SLC8A1: variants seen among roughly 807,000 people sequenced by gnomAD.
SLC8A1 encodes solute carrier family 8 member A1.
A neutral mutation model predicts 68.3 loss-of-function variants in SLC8A1; 18 were observed. The ratio of observed to expected loss-of-function variants is 0.26; its 90% CI spans 0.18 to 0.39. The LOEUF (loss-of-function observed/expected upper bound fraction) is 0.39, where lower values mean the gene tolerates loss of function less well. SLC8A1 is among the 10% of genes least tolerant of loss of function. The pLI, the probability that SLC8A1 is intolerant of heterozygous loss-of-function variation, is 1.00. For synonymous variants in SLC8A1, 475 were observed against 415.5 expected, an observed-to-expected ratio of 1.14 and a Z score of -1.74; for missense variants, 985 against 1,156.7, an observed-to-expected ratio of 0.85 and a Z score of 2.15.
chr2:40,410,771 T>C (rs1055640297), intron 2 of SLC8A1, among the ~76,000 whole-genome samples: 3 of 152,076 alleles, frequency 2.0e-5, no homozygotes, highest in South Asian at 2.1e-4. Context: ...TGATAATACA[T>C]TGCATGTCAT....
At chr2:40,098,966 C>A (rs1442046740) in exon 8 of SLC8A1, 4 of 151,936 alleles carry the variant, frequency 2.6e-5, no homozygotes, top group African/African-American at 9.7e-5. Context: ...TTAATGATAT[C>A]AGGTATATGG....
At chr2:40,435,814 C>A (rs1025916881) in intron 1 of SLC8A1, among the ~76,000 whole-genome samples, 1 of 152,072 alleles carries the variant, frequency 6.6e-6, no homozygotes, top group Non-Finnish European at 1.5e-5. Context: ...TTGCTCCTGT[C>A]GCCCAGGCTG....
chr2:40,236,556 T>C (rs1219476267), intron 2 of SLC8A1, among the ~76,000 whole-genome samples: 1 of 150,166 alleles, frequency 6.7e-6, no homozygotes, highest in Non-Finnish European at 1.5e-5. Flanking sequence ...CTTTATCCAA[T>C]TTGCCAGTCT....
chr2:40,105,384 T>C (rs1448267582), exon 8 of SLC8A1: 1 of 152,232 alleles, frequency 6.6e-6, no homozygotes, highest in Non-Finnish European at 1.5e-5. Context: ...AAATCCAGTC[T>C]TTGGGTAAAG....
At chr2:40,301,601 G>A (rs1342475650) in intron 2 of SLC8A1, among the ~76,000 whole-genome samples, 27 of 152,164 alleles carry the variant, frequency 1.8e-4, no homozygotes, top group Admixed American at 1.7e-3. Flanking sequence ...GGGAAGGGTG[G>A]GAGGGAAGTG....
chr2:40,289,277 A>T (rs1407481105), intron 2 of SLC8A1, among the ~76,000 whole-genome samples: 3 of 152,090 alleles, frequency 2.0e-5, no homozygotes, highest in Non-Finnish European at 2.9e-5. Context: ...TTGTTAAACT[A>T]TTTGTAATAA....
chr2:40,315,079 A>C (rs1047987628), intron 2 of SLC8A1, among the ~76,000 whole-genome samples: 2 of 152,008 alleles, frequency 1.3e-5, no homozygotes, highest in African/African-American at 4.8e-5. Flanking sequence ...ATATTAGGAG[A>C]GAAGCATTCA....
Position 40,301,830 on chromosome 2 carries a change from T to C in SLC8A1, c.1809-123975A>G, listed in dbSNP as rs1196855277. Among the ~76,000 whole-genome samples, 7 of 152,284 alleles carry C rather than the reference T, an allele frequency of 4.6e-5. No homozygotes were observed. In the East Asian group the frequency reaches 1.4e-3, roughly 29 times the overall value. ...TCTTTAGTGGTGATTTGTGAGATTT[T>C]GGTGTGCCCATCACCCAAGCAGTAT... On this transcript the variant is annotated intron_variant, in intron 2 of 7. Coordinates refer to ENST00000406785, the Ensembl canonical transcript of SLC8A1.
intron 2 of SLC8A1, among the ~76,000 whole-genome samples, chr2:40,354,652 T>C (rs1021609984): frequency 6.6e-6 from 1 of 152,210 alleles, no homozygotes; most frequent in East Asian, 1.9e-4. Context: ...TTTTGGGATA[T>C]TGCCTGGATG....
At chr2:40,508,783 C>T (rs1325477828) in intron 1 of SLC8A1, among the ~76,000 whole-genome samples, 1 of 152,124 alleles carries the variant, frequency 6.6e-6, no homozygotes, top group Non-Finnish European at 1.5e-5. Flanking sequence ...GTTAACTCCT[C>T]TTCTGAAATA....
chr2:40,212,806 C>A (rs2056845139), intron 2 of SLC8A1, among the ~76,000 whole-genome samples: 1 of 152,304 alleles, frequency 6.6e-6, no homozygotes, highest in East Asian at 1.9e-4. Context: ...CTCAGAGTTC[C>A]TGTTTGTGCA....
chr2:40,287,213 T>G (rs979128441), intron 2 of SLC8A1, among the ~76,000 whole-genome samples: 2 of 152,192 alleles, frequency 1.3e-5, no homozygotes, highest in South Asian at 4.1e-4. Context: ...TATTCAGCAT[T>G]TGATGTCTAA....
At chr2:40,298,687 T>C (rs1438089875) in intron 2 of SLC8A1, among the ~76,000 whole-genome samples, 1 of 152,138 alleles carries the variant, frequency 6.6e-6, no homozygotes, top group African/African-American at 2.4e-5. Flanking sequence ...CGCTAACTTG[T>C]AAAATGGTAA....
chr2:40,339,936 G>A (rs1330644806), intron 2 of SLC8A1, among the ~76,000 whole-genome samples: 1 of 152,118 alleles, frequency 6.6e-6, no homozygotes, highest in East Asian at 1.9e-4. Flanking sequence ...GACAAAGCTA[G>A]GTCAATCAAA....
At chr2:40,240,030 C>T (rs401815) in intron 2 of SLC8A1, among the ~76,000 whole-genome samples, 21,892 of 152,100 alleles carry the variant, frequency 0.14, 1,960 homozygotes, top group African/African-American at 0.23. Flanking sequence ...GTGAAACCAG[C>T]GCTTACCTCC....
At chr2:40,371,040 T>A (rs186610994) in intron 2 of SLC8A1, among the ~76,000 whole-genome samples, 1 of 152,194 alleles carries the variant, frequency 6.6e-6, no homozygotes, top group Admixed American at 6.5e-5. Flanking sequence ...TCTCTCTTAC[T>A]TTCAGAAAGG....
intron 1 of SLC8A1, among the ~76,000 whole-genome samples, chr2:40,499,923 G>T (rs1705944568): frequency 6.6e-6 from 1 of 151,928 alleles, no homozygotes; most frequent in East Asian, 1.9e-4. Flanking sequence ...GAAGTCCATG[G>T]AGCCACAAGC....
chr2:40,133,687 T>C (rs1025108732), intron 7 of SLC8A1, among the ~76,000 whole-genome samples: 1 of 134,474 alleles, frequency 7.4e-6, no homozygotes, highest in Non-Finnish European at 1.6e-5. Flanking sequence ...AGGCAAGACT[T>C]AATGGGGCAA....
chr2:40,238,457 T>C (rs10153891), intron 2 of SLC8A1, among the ~76,000 whole-genome samples: 94,667 of 151,828 alleles, frequency 0.62, 30,502 homozygotes, highest in Non-Finnish European at 0.72. Flanking sequence ...CTCGCCCTGC[T>C]TCGGCTCGCA....
Sources: allele counts gnomAD v4.1 joint callset (sites outside exome capture counted in the v4.1 genomes callset), GRCh38; gene constraint gnomAD v4.1.1; transcripts MANE v1.5; gene names NCBI Gene and HGNC (gene_info 2026-07-23, HGNC 2026-07-21).